EXOC2: variants seen among roughly 807,000 people sequenced by gnomAD.
EXOC2 encodes the protein exocyst complex component 2.
EXOC2 carries 70 observed loss-of-function variants against 131.8 expected under a neutral mutation model. The ratio of observed to expected loss-of-function variants is 0.53; its 90% CI spans 0.44 to 0.65. The LOEUF (loss-of-function observed/expected upper bound fraction) is 0.65. EXOC2 is among the 30% of genes least tolerant of loss of function. EXOC2 has a pLI of 0.00. For synonymous variants in EXOC2, 411 were observed against 398.4 expected (o/e 1.03, Z -0.38); for missense variants, 923 against 1,108.6 (o/e 0.83, Z 2.38).
At chr6:544,298 T>C (rs568421054) in intron 22 of EXOC2, among the ~76,000 whole-genome samples, 1 of 152,344 alleles carries the variant, frequency 6.6e-6, no homozygotes, top group African/African-American at 2.4e-5. Flanking sequence ...GAGGTAGCAC[T>C]TTGTAAATGA....
chr6:656,866 C>G lies in EXOC2; in HGVS notation c.-43-19005G>C, dbSNP rs779135625. On this transcript the variant is annotated intron_variant, in intron 1 of 27. Transcript: ENST00000230449. ...CGCACGCGGAGCACGCAGACCTTCGCTAGCCTCGCGACGGTGCCGCTGACG... is the reference window on the plus strand; with the variant it reads ...CGCACGCGGAGCACGCAGACCTTCGGTAGCCTCGCGACGGTGCCGCTGACG... The G allele has an allele frequency of 2.5e-6, 4 of 1,608,398 alleles. No individual in the cohort carries two copies. Among genetic ancestry groups the G allele is most frequent in the Non-Finnish European group, 3.4e-6 (4 of 1,176,460 alleles).
rs1259011878 is a variant in EXOC2, at chr6:678,141, T to C, written c.-44+14878A>G. Among the ~76,000 whole-genome samples the C allele has an allele frequency of 2.0e-5, 3 of 152,158 alleles. No homozygotes were observed. The East Asian group carries it at 5.8e-4, about 29-fold the overall frequency. The stretch of plus-strand genomic sequence containing the variant: ...TCAGTGCAAAGTGGATTGACCAATA[T>C]GGGGTAAAGAACACTGGTGTCATTA... On this transcript the variant is annotated intron_variant, in intron 1 of 27. Coordinates refer to ENST00000230449, the MANE Select transcript of EXOC2 (RefSeq NM_018303.6).
intron 1 of EXOC2, among the ~76,000 whole-genome samples, chr6:646,155 C>G (rs1762570578): frequency 6.6e-6 from 1 of 152,138 alleles, no homozygotes; most frequent in African/African-American, 2.4e-5. Context: ...TTGTCTGTTT[C>G]AACTTTGGAT....
intron 7 of EXOC2, among the ~76,000 whole-genome samples, chr6:605,532 T>A (rs2127653738): frequency 6.6e-6 from 1 of 152,368 alleles, no homozygotes; most frequent in Admixed American, 6.5e-5. Flanking sequence ...TGTATTTCTG[T>A]GGGATCGGTG....
At chr6:514,349 T>C (rs1765017801) in intron 23 of EXOC2, among the ~76,000 whole-genome samples, 1 of 152,136 alleles carries the variant, frequency 6.6e-6, no homozygotes, top group African/African-American at 2.4e-5. Flanking sequence ...GTTAAGAAAA[T>C]TGGAGATGAT....
chr6:633,105 C>A lies in EXOC2; in HGVS notation c.131G>T (p.Cys44Phe), dbSNP rs1761933692. 2 of 1,613,110 alleles carry A rather than the reference C, an allele frequency of 1.2e-6. No homozygotes were observed. ...GPTDLIGLTICGHNCLLTAEW... is the reference protein window; with the variant it reads ...GPTDLIGLTIFGHNCLLTAEW... ...TGCCGTCAGGAGGCAATTATGTCCA[C>A]AAATGGTCAAGCCTGAAAATAAACG... The change falls in exon 3 of 28, where the codon TGT (cysteine) becomes TTT (phenylalanine). Residue 44 changes from cysteine (C) to phenylalanine (F), a missense_variant. Transcript: ENST00000230449.
intron 1 of EXOC2, among the ~76,000 whole-genome samples, chr6:667,860 CCCAT>C (rs200385451): frequency 0.39 from 41,889 of 107,546 alleles, 8,586 homozygotes; most frequent in East Asian, 0.58. Context: ...TAAATCCCCT[CCCAT>C]CCATCCATCC....
intron 24 of EXOC2, among the ~76,000 whole-genome samples, 171 bp downstream of exon 24, chr6:499,474 G>C (rs374990229): frequency 2.7e-4 from 31 of 114,840 alleles, no homozygotes; most frequent in South Asian, 8.8e-4. Flanking sequence ...CACACACACA[G>C]AGACAGAGAG....
intron 10 of EXOC2, among the ~76,000 whole-genome samples, chr6:596,588 A>G (rs1409584520): frequency 2.0e-5 from 3 of 152,040 alleles, no homozygotes; most frequent in African/African-American, 7.2e-5. Flanking sequence ...GCTAGTCTTG[A>G]ACTCTTAGAC....
At chr6:512,172 C>T (rs1764885035) in intron 23 of EXOC2, among the ~76,000 whole-genome samples, 1 of 152,248 alleles carries the variant, frequency 6.6e-6, no homozygotes, top group Non-Finnish European at 1.5e-5. Context: ...GCTCTGTTAA[C>T]AGCACCTGGG....
At chr6:577,632 A>G (rs1011146923) in intron 11 of EXOC2, among the ~76,000 whole-genome samples, 14 of 152,222 alleles carry the variant, frequency 9.2e-5, no homozygotes, top group Middle Eastern at 3.2e-3. Flanking sequence ...GGTAAAATTT[A>G]CCTTGTTAGT....
Position 486,443 on chromosome 6 carries a change from GTC to G in EXOC2, c.*226_*227del, listed in dbSNP as rs1763052950. On this transcript the variant is annotated 3_prime_UTR_variant, in exon 28 of 28. Coordinates refer to ENST00000230449, the MANE Select transcript of EXOC2 (RefSeq NM_018303.6). Reference sequence around the variant, plus strand: ...AATATATTTTAAAATGTATTTTAAAGTCATACAGGATCTGATCTAGTAAGAAT... The same window carrying G: ...AATATATTTTAAAATGTATTTTAAAGATACAGGATCTGATCTAGTAAGAAT... 2.2e-6 allele frequency: 1 copy of G among 447,902 alleles called. No individual in the cohort carries two copies. 27.7% of individuals were successfully genotyped at this position (447,902 alleles called of 1,614,324 possible).
chr6:595,773 C>G (rs1324407449), intron 10 of EXOC2, among the ~76,000 whole-genome samples: 1 of 152,068 alleles, frequency 6.6e-6, no homozygotes, highest in Non-Finnish European at 1.5e-5. Context: ...AAACAGCAGC[C>G]TCAGGACGTC....
chr6:613,710 A>G (rs1206647653), intron 6 of EXOC2, among the ~76,000 whole-genome samples: 1 of 152,184 alleles, frequency 6.6e-6, no homozygotes, highest in Non-Finnish European at 1.5e-5. Context: ...GGAGGCATCC[A>G]CTGCTGGTCA....
At chr6:640,292 A>G (rs1176174040) in intron 1 of EXOC2, among the ~76,000 whole-genome samples, 10 of 152,204 alleles carry the variant, frequency 6.6e-5, no homozygotes, top group Non-Finnish European at 1.5e-4. Context: ...GGAGAGCTTG[A>G]GGCTGCTTCC....
chr6:511,141 C>T (rs1764823263), intron 23 of EXOC2, among the ~76,000 whole-genome samples: 2 of 152,196 alleles, frequency 1.3e-5, no homozygotes, highest in African/African-American at 4.8e-5. Flanking sequence ...CGAGTGAATG[C>T]TGGGAAGGGT....
intron 23 of EXOC2, among the ~76,000 whole-genome samples, chr6:514,812 GC>G (rs747814415): frequency 1.1e-4 from 16 of 152,224 alleles, no homozygotes; most frequent in Non-Finnish European, 1.9e-4. Context: ...CCTGGGTCAA[GC>G]CCCGTGATGT....
At chr6:548,399 G>A (rs903810907) in intron 22 of EXOC2, among the ~76,000 whole-genome samples, 1 of 152,184 alleles carries the variant, frequency 6.6e-6, no homozygotes, top group Non-Finnish European at 1.5e-5. Flanking sequence ...ACATTAAAAA[G>A]TGGTACTAGC....
chr6:530,400 A>G (rs951572819), intron 23 of EXOC2, among the ~76,000 whole-genome samples: 1 of 152,182 alleles, frequency 6.6e-6, no homozygotes, highest in Non-Finnish European at 1.5e-5. Context: ...AGAACAAGAC[A>G]CCCAAATGAC....
Sources: allele counts gnomAD v4.1 joint callset (sites outside exome capture counted in the v4.1 genomes callset), GRCh38; gene constraint gnomAD v4.1.1; transcripts MANE v1.5; gene names NCBI Gene and HGNC (gene_info 2026-07-23, HGNC 2026-07-21).